The following RAPGEF5 variants were observed in gnomAD, a reference collection of about 807,000 sequenced individuals.
RAPGEF5 encodes the protein M-Ras-regulated GEF.
A neutral mutation model predicts 125.2 loss-of-function variants in RAPGEF5; 65 were observed. The observed-to-expected ratio is 0.52, with a 90% CI of 0.43 to 0.64. The LOEUF is 0.64. RAPGEF5 is among the 30% of genes least tolerant of loss of function. RAPGEF5 has a pLI of 0.00. For synonymous variants in RAPGEF5, 391 were observed against 385.9 expected (o/e 1.01, Z -0.16); for missense variants, 958 against 1,048.1 (o/e 0.91, Z 1.19).
intron 5 of RAPGEF5, among the ~76,000 whole-genome samples, chr7:22,297,685 T>G (rs1239737787): frequency 1.3e-5 from 2 of 152,264 alleles, no homozygotes; most frequent in African/African-American, 4.8e-5. Flanking sequence ...TCCTGTGATT[T>G]TTTTTATGTA....
chr7:22,149,757 T>C (rs1308080157), intron 18 of RAPGEF5, among the ~76,000 whole-genome samples: 1 of 152,142 alleles, frequency 6.6e-6, no homozygotes, highest in Non-Finnish European at 1.5e-5. Context: ...TCTCCTTAAA[T>C]CCACCTAGGA....
intron 6 of RAPGEF5, among the ~76,000 whole-genome samples, chr7:22,280,220 T>C (rs1195755726): frequency 6.6e-6 from 1 of 152,126 alleles, no homozygotes; most frequent in African/African-American, 2.4e-5. Flanking sequence ...TCTACAACTC[T>C]CACATGAGAA....
chr7:22,214,461 A>C (rs1785584197), intron 9 of RAPGEF5, among the ~76,000 whole-genome samples: 1 of 152,170 alleles, frequency 6.6e-6, no homozygotes, highest in African/African-American at 2.4e-5. Flanking sequence ...TGGTATTTCT[A>C]ATCTACAATT....
chr7:22,314,691 A>C (rs987531495), intron 3 of RAPGEF5: 103 of 913,656 alleles, frequency 1.1e-4, no homozygotes, highest in Non-Finnish European at 1.3e-4. Context: ...GTTTTCTTTC[A>C]TAGTTTTGGT....
intron 5 of RAPGEF5, among the ~76,000 whole-genome samples, chr7:22,293,133 T>C (rs1360395078): frequency 1.3e-5 from 2 of 152,220 alleles, no homozygotes; most frequent in African/African-American, 2.4e-5. Context: ...ATCCCACTGT[T>C]ATCACCTCAA....
chr7:22,232,871 GAAGAA>G (rs1474794732), intron 7 of RAPGEF5, among the ~76,000 whole-genome samples: 1 of 152,150 alleles, frequency 6.6e-6, no homozygotes. Flanking sequence ...CTTTATGAAA[GAAGAA>G]AAGAGAGAAA....
intron 1 of RAPGEF5, among the ~76,000 whole-genome samples, chr7:22,327,633 A>C (rs201580907): frequency 6.6e-6 from 1 of 152,222 alleles, no homozygotes; most frequent in Non-Finnish European, 1.5e-5. Context: ...AAAGCTCATC[A>C]GCACCACTTA....
chr7:22,161,535 T>TC (rs1783997120), intron 13 of RAPGEF5, among the ~76,000 whole-genome samples: 2 of 85,104 alleles, frequency 2.4e-5, no homozygotes, highest in Admixed American at 2.4e-4. Context: ...AGACCCTGTC[T>TC]CAACACACAC....
At chr7:22,170,335 G>A (rs1164255903) in intron 11 of RAPGEF5, among the ~76,000 whole-genome samples, 3 of 152,186 alleles carry the variant, frequency 2.0e-5, no homozygotes, top group Admixed American at 6.5e-5. Context: ...GATTACGGGC[G>A]TGAGCCACTG....
intron 9 of RAPGEF5, among the ~76,000 whole-genome samples, chr7:22,203,212 T>C (rs1785319748): frequency 6.6e-6 from 1 of 152,100 alleles, no homozygotes. Context: ...CAAGCCCCTC[T>C]GCCAGAGGAG....
At chr7:22,241,992 G>A (rs1786343325) in intron 7 of RAPGEF5, among the ~76,000 whole-genome samples, 1 of 152,130 alleles carries the variant, frequency 6.6e-6, no homozygotes, top group Non-Finnish European at 1.5e-5. Context: ...CCTAAAGGAG[G>A]AAGTCAGGAA....
At chr7:22,194,398 T>C (rs1785096504) in intron 9 of RAPGEF5, among the ~76,000 whole-genome samples, 1 of 152,240 alleles carries the variant, frequency 6.6e-6, no homozygotes, top group Non-Finnish European at 1.5e-5. Flanking sequence ...ATATTCTCTT[T>C]TACCTGGTAG....
chr7:22,340,830 C>T (rs1784112950), intron 1 of RAPGEF5, among the ~76,000 whole-genome samples: 1 of 152,234 alleles, frequency 6.6e-6, no homozygotes, highest in African/African-American at 2.4e-5. Context: ...ATTTGGGCTC[C>T]TGTCCTCTGG....
chr7:22,146,955 C>A lies in RAPGEF5; in HGVS notation c.1949G>T (p.Trp650Leu). Residue 650 changes from tryptophan to leucine, a missense_variant, in exon 19 of 26, where the codon TGG becomes TTG. Trp to Leu is a moderately conservative substitution (Grantham distance 61). Transcript: ENST00000665637. Reference sequence around the variant, plus strand: ...ATTCATTAATTCCAGAGCAAGATCCCAAGTGTTCATTCCCAAAATCCTCAT... The same window carrying A: ...ATTCATTAATTCCAGAGCAAGATCCAAAGTGTTCATTCCCAAAATCCTCAT... ...RSMRILGMNTWDLALELMNFD... is the reference protein window; with the variant it reads ...RSMRILGMNTLDLALELMNFD... The A allele has an allele frequency of 1.2e-6, 2 of 1,613,718 alleles. No homozygotes were observed. The highest frequency in any genetic ancestry group is 1.7e-6 in the Non-Finnish European group (2 of 1,179,772).
rs1444343124 is a variant in RAPGEF5, at chr7:22,162,525, ACTT to A, written c.1297_1299del (p.Lys433del). On this transcript the variant is annotated inframe_deletion, in exon 13 of 26. Coordinates refer to ENST00000665637, the MANE Select transcript of RAPGEF5 (RefSeq NM_012294.5). ...TCTGAGTTTTCCTCTTTGCCTTGATACTTCTTAGCAGAATAGGTGCAAATGGTT... is the reference window on the plus strand; with the variant it reads ...TCTGAGTTTTCCTCTTTGCCTTGATACTTAGCAGAATAGGTGCAAATGGTT... The A allele has an allele frequency of 6.2e-7, 1 of 1,609,172 alleles. No individual in the cohort carries two copies. The highest frequency in any genetic ancestry group is 8.5e-7 in the Non-Finnish European group (1 of 1,175,916).
chr7:22,220,130 T>C (rs944132520), intron 8 of RAPGEF5, 139 bp from the exon 9 acceptor site: 28 of 1,172,048 alleles, frequency 2.4e-5, no homozygotes, highest in Admixed American at 5.5e-5. Context: ...ATATTTTGCC[T>C]TTCAAAAATT....
chr7:22,318,125 A>T, intron 1 of RAPGEF5, 88 bp from the exon 2 acceptor site: 1 of 1,288,474 alleles, frequency 7.8e-7, no homozygotes, highest in Non-Finnish European at 1.0e-6. Flanking sequence ...TGGCCAGGGC[A>T]GGCCTCTGCT....
chr7:22,145,763 C>T (rs1783415385), intron 19 of RAPGEF5, among the ~76,000 whole-genome samples: 1 of 152,078 alleles, frequency 6.6e-6, no homozygotes, highest in African/African-American at 2.4e-5. Flanking sequence ...TAACAAGTGC[C>T]CAAGTCCCGC....
Position 22,323,248 on chromosome 7 carries a change from A to C in RAPGEF5, c.232-5211T>G, listed in dbSNP as rs372847892. 1.5e-4 allele frequency among the ~76,000 whole-genome samples: 23 copies of C among 152,338 alleles called. 1 individual carries two copies. Among genetic ancestry groups the C allele is most frequent in the African/African-American group, 5.5e-4 (23 of 41,572 alleles). ...TACTTAATTTTGACTTCCCATTGTT[A>C]AAGGGCACTATTCTAGTAGAAACAT... On this transcript the variant is annotated intron_variant, in intron 1 of 25. Coordinates refer to ENST00000665637, the MANE Select transcript of RAPGEF5 (RefSeq NM_012294.5).
Sources: allele counts gnomAD v4.1 joint callset (sites outside exome capture counted in the v4.1 genomes callset), GRCh38; gene constraint gnomAD v4.1.1; transcripts MANE v1.5; gene names NCBI Gene and HGNC (gene_info 2026-07-23, HGNC 2026-07-21).